NR3C2: variants seen among roughly 807,000 people sequenced by gnomAD.
The protein encoded by NR3C2 is mineralocorticoid receptor.
Under a neutral mutation model 86.4 loss-of-function variants are expected in NR3C2, and 15 were observed. The ratio of observed to expected loss-of-function variants is 0.17; its 90% CI spans 0.12 to 0.27. The LOEUF is 0.27. NR3C2 is among the 10% of genes least tolerant of loss of function. NR3C2 has a pLI of 1.00. For synonymous variants in NR3C2, 458 were observed against 450.5 expected, an observed-to-expected ratio of 1.02 and a Z score of -0.21; for missense variants, 960 against 1,195.6, an observed-to-expected ratio of 0.80 and a Z score of 2.91.
intron 8 of NR3C2, among the ~76,000 whole-genome samples, chr4:148,092,370 GC>G (rs1459625006): frequency 1.3e-5 from 2 of 152,144 alleles, no homozygotes; most frequent in African/African-American, 4.8e-5. Flanking sequence ...TTAAACAGCG[GC>G]CTGCAAGCTC....
At chr4:148,180,714 C>T (rs1735605697) in intron 4 of NR3C2, among the ~76,000 whole-genome samples, 2 of 152,110 alleles carry the variant, frequency 1.3e-5, no homozygotes, top group Admixed American at 1.3e-4. Flanking sequence ...AATAATTTTG[C>T]ATACTAATTT....
chr4:148,149,792 G>A (rs191570917), intron 6 of NR3C2, among the ~76,000 whole-genome samples: 1 of 152,296 alleles, frequency 6.6e-6, no homozygotes, highest in East Asian at 1.9e-4. Context: ...TGGCTCATAA[G>A]CATATGAAAA....
chr4:148,386,477 A>G (rs940222460), intron 2 of NR3C2, among the ~76,000 whole-genome samples: 2 of 152,196 alleles, frequency 1.3e-5, no homozygotes, highest in Non-Finnish European at 2.9e-5. Context: ...GTCTAAAGAG[A>G]GCTGGATTTG....
intron 2 of NR3C2, among the ~76,000 whole-genome samples, chr4:148,370,833 G>C (rs1364335942): frequency 6.6e-6 from 1 of 152,168 alleles, no homozygotes; most frequent in African/African-American, 2.4e-5. Flanking sequence ...TACACTGAGG[G>C]TCAGTATCTT....
chr4:148,342,007 C>G (rs565919848), intron 2 of NR3C2, among the ~76,000 whole-genome samples: 5 of 152,282 alleles, frequency 3.3e-5, no homozygotes, highest in African/African-American at 1.2e-4. Context: ...ACTGGATTTA[C>G]ATAGTCTCTT....
chr4:148,210,989 A>C (rs1737255732), intron 3 of NR3C2, among the ~76,000 whole-genome samples: 1 of 152,228 alleles, frequency 6.6e-6, no homozygotes, highest in Non-Finnish European at 1.5e-5. Context: ...AAAAGATATA[A>C]AGTGATCATT....
intron 2 of NR3C2, among the ~76,000 whole-genome samples, chr4:148,309,961 A>G (rs1742827063): frequency 1.3e-5 from 2 of 152,162 alleles, no homozygotes; most frequent in Admixed American, 1.3e-4. Context: ...AAACAAAAAA[A>G]TGAAGGCTCT....
At chr4:148,282,766 G>A (rs1276675982) in intron 2 of NR3C2, among the ~76,000 whole-genome samples, 1 of 151,864 alleles carries the variant, frequency 6.6e-6, no homozygotes, top group Non-Finnish European at 1.5e-5. Context: ...GTTGATGAGA[G>A]AAGGAAAATA....
chr4:148,279,199 G>A (rs1741114475), intron 2 of NR3C2, among the ~76,000 whole-genome samples: 1 of 152,070 alleles, frequency 6.6e-6, no homozygotes, highest in Non-Finnish European at 1.5e-5. Flanking sequence ...TTTGAAACTA[G>A]TCTTGAATTT....
chr4:148,085,062 T>G (rs953639611), intron 8 of NR3C2, among the ~76,000 whole-genome samples: 6 of 151,992 alleles, frequency 3.9e-5, no homozygotes, highest in Admixed American at 3.3e-4. Flanking sequence ...TTGGGAGACT[T>G]TAACACCCCA....
chr4:148,100,711 C>T (rs545654692), intron 8 of NR3C2, among the ~76,000 whole-genome samples: 11 of 152,294 alleles, frequency 7.2e-5, no homozygotes, highest in Non-Finnish European at 1.6e-4. Flanking sequence ...AATCCAGTTT[C>T]TGGGAATATT....
At chr4:148,325,153 A>AGTGTGT (rs1743896736) in intron 2 of NR3C2, among the ~76,000 whole-genome samples, 2 of 119,928 alleles carry the variant, frequency 1.7e-5, no homozygotes, top group African/African-American at 7.9e-5. Context: ...AGAGAGAGAC[A>AGTGTGT]GAGTGTGTGT....
chr4:148,204,640 T>G (rs1370812048), intron 3 of NR3C2, among the ~76,000 whole-genome samples: 1 of 152,140 alleles, frequency 6.6e-6, no homozygotes, highest in Non-Finnish European at 1.5e-5. Context: ...AGAAGTATAC[T>G]TAATATTCTT....
At chr4:148,432,490 T>C (rs1190350413) in intron 2 of NR3C2, among the ~76,000 whole-genome samples, 1 of 152,150 alleles carries the variant, frequency 6.6e-6, no homozygotes, top group Non-Finnish European at 1.5e-5. Context: ...TAACAAAGCA[T>C]GATTTCTGAC....
chr4:148,421,891 C>T (rs558145695), intron 2 of NR3C2, among the ~76,000 whole-genome samples: 6 of 152,118 alleles, frequency 3.9e-5, no homozygotes, highest in Non-Finnish European at 8.8e-5. Context: ...ATGAAATGCA[C>T]AGTTCATGAA....
At chr4:148,420,714 T>C (rs759794122) in intron 2 of NR3C2, among the ~76,000 whole-genome samples, 2 of 152,180 alleles carry the variant, frequency 1.3e-5, no homozygotes, top group Non-Finnish European at 2.9e-5. Context: ...TGGGAGGGGA[T>C]TGAATCACAG....
chr4:148,186,926 C>A (rs1202923544), intron 4 of NR3C2, among the ~76,000 whole-genome samples: 1 of 147,190 alleles, frequency 6.8e-6, no homozygotes, highest in Non-Finnish European at 1.5e-5. Flanking sequence ...ATCCAGGTCA[C>A]TGCAAATGCT....
chr4:148,378,559 G>C (rs1365858391), intron 2 of NR3C2, among the ~76,000 whole-genome samples: 2 of 152,126 alleles, frequency 1.3e-5, no homozygotes, highest in African/African-American at 4.8e-5. Flanking sequence ...CTGTTCTCCT[G>C]ATAGAGTTCT....
At chr4:148,083,074 C>T (rs957201773) in intron 8 of NR3C2, among the ~76,000 whole-genome samples, 3 of 152,172 alleles carry the variant, frequency 2.0e-5, no homozygotes, top group South Asian at 4.1e-4. Context: ...GCAGCAGCCC[C>T]AGTCAGGGGC....
Sources: allele counts gnomAD v4.1 joint callset (sites outside exome capture counted in the v4.1 genomes callset), GRCh38; gene constraint gnomAD v4.1.1; transcripts MANE v1.5; gene names NCBI Gene and HGNC (gene_info 2026-07-23, HGNC 2026-07-21).